The following SLC38A1 variants were observed in gnomAD, a reference collection of about 807,000 sequenced individuals.
SLC38A1 encodes the protein sodium-coupled neutral amino acid symporter 1.
SLC38A1 carries 18 observed loss-of-function variants against 60.3 expected under a neutral mutation model. The ratio of observed to expected loss-of-function variants is 0.30; its 90% CI spans 0.21 to 0.44. The LOEUF is 0.44. Among genes scored for constraint, SLC38A1 ranks in the 20% least tolerant of loss-of-function variants. The pLI is 1.00. For missense variants in SLC38A1, 448 were observed against 587.2 expected (o/e 0.76, Z 2.45); for synonymous variants, 196 against 212.1 (o/e 0.92, Z 0.66).
intron 16 of SLC38A1, chr12:46,196,353 A>G: frequency 6.6e-7 from 1 of 1,515,920 alleles, no homozygotes; most frequent in Non-Finnish European, 8.8e-7. Context: ...TCTAACTCCC[A>G]GTGGTCCTTA....
At chr12:46,243,568 T>C (rs56988021) in intron 1 of SLC38A1, among the ~76,000 whole-genome samples, 81,300 of 151,964 alleles carry the variant, frequency 0.53, 21,937 homozygotes, top group Admixed American at 0.61. Context: ...CAGATGGAGA[T>C]GGGGCCTGAG....
chr12:46,258,505 T>C (rs931164917), intron 1 of SLC38A1, among the ~76,000 whole-genome samples: 1 of 152,242 alleles, frequency 6.6e-6, no homozygotes, highest in African/African-American at 2.4e-5. Context: ...ATATTTTAAA[T>C]AATTTTGTGC....
chr12:46,249,381 C>T (rs1418048041), intron 1 of SLC38A1, among the ~76,000 whole-genome samples: 1 of 151,950 alleles, frequency 6.6e-6, no homozygotes, highest in Non-Finnish European at 1.5e-5. Flanking sequence ...CAAGAGAAAG[C>T]AGGAAAGAGC....
chr12:46,256,145 A>G (rs562712899), intron 1 of SLC38A1, among the ~76,000 whole-genome samples: 18 of 149,170 alleles, frequency 1.2e-4, no homozygotes, highest in Non-Finnish European at 1.9e-4. Context: ...CAGCCTGGGC[A>G]ACAGAGAGAG....
chr12:46,259,704 C>T (rs1047343441), intron 1 of SLC38A1, among the ~76,000 whole-genome samples: 3 of 152,128 alleles, frequency 2.0e-5, no homozygotes, highest in African/African-American at 7.2e-5. Flanking sequence ...TGGTTTTACT[C>T]TCTTCTTGCC....
intron 5 of SLC38A1, among the ~76,000 whole-genome samples, chr12:46,222,323 T>C (rs1438117073): frequency 1.3e-5 from 2 of 152,054 alleles, no homozygotes; most frequent in African/African-American, 4.8e-5. Flanking sequence ...CTCTAGACCC[T>C]TTCTCACTCT....
In SLC38A1 at chr12:46,202,978, G is replaced by A. The variant is rs765422323; in HGVS notation, c.902+32C>T. On this transcript the variant is annotated intron_variant, in intron 12 of 16. Coordinates refer to ENST00000398637, the MANE Select transcript of SLC38A1 (RefSeq NM_030674.4). Reference sequence around the variant, plus strand: ...GCCTATTAATGAGGGGATGTAAAACGATTAAGATAAAAAATTAAACAAATT... The same window carrying A: ...GCCTATTAATGAGGGGATGTAAAACAATTAAGATAAAAAATTAAACAAATT... 10 of 1,555,382 alleles carry A rather than the reference G, an allele frequency of 6.4e-6. No individual in the cohort carries two copies. In the East Asian group the frequency reaches 1.8e-4, roughly 28 times the overall value.
chr12:46,249,766 C>T (rs747968662), intron 1 of SLC38A1, among the ~76,000 whole-genome samples: 3 of 152,292 alleles, frequency 2.0e-5, no homozygotes, highest in African/African-American at 7.2e-5. Flanking sequence ...TGGGCACATA[C>T]ACCCTCTCAA....
At chr12:46,212,329 T>C (rs1940208673) in intron 5 of SLC38A1, among the ~76,000 whole-genome samples, 1 of 152,236 alleles carries the variant, frequency 6.6e-6, no homozygotes, top group Non-Finnish European at 1.5e-5. Context: ...CTTTTTAAAA[T>C]TTCATCTGGA....
intron 5 of SLC38A1, among the ~76,000 whole-genome samples, chr12:46,213,613 A>G (rs974980498): frequency 2.6e-5 from 4 of 152,160 alleles, no homozygotes; most frequent in African/African-American, 9.7e-5. Context: ...TTCATTGGCA[A>G]GTGCCCTATC....
At chr12:46,250,121 T>A (rs556023741) in intron 1 of SLC38A1, among the ~76,000 whole-genome samples, 2 of 152,222 alleles carry the variant, frequency 1.3e-5, no homozygotes, top group South Asian at 4.2e-4. Context: ...CAGGAGCACA[T>A]CAAAAGCCTT....
chr12:46,249,700 T>C (rs1350940100), intron 1 of SLC38A1, among the ~76,000 whole-genome samples: 1 of 152,152 alleles, frequency 6.6e-6, no homozygotes, highest in African/African-American at 2.4e-5. Flanking sequence ...CAGAGAATAC[T>C]ATAAACACCT....
intron 1 of SLC38A1, among the ~76,000 whole-genome samples, chr12:46,248,785 A>G (rs1941718738): frequency 6.6e-6 from 1 of 152,188 alleles, no homozygotes; most frequent in African/African-American, 2.4e-5. Context: ...AGCACTCCTC[A>G]GCAAATGTAA....
chr12:46,260,752 G>C (rs1473824207), intron 1 of SLC38A1, among the ~76,000 whole-genome samples: 2 of 152,116 alleles, frequency 1.3e-5, no homozygotes, highest in East Asian at 3.9e-4. Context: ...TATCTAATCA[G>C]TTGCCAAGTC....
Position 46,269,028 on chromosome 12 carries a change from A to T in SLC38A1, c.-711T>A. 1 of 314,516 alleles carries T rather than the reference A, an allele frequency of 3.2e-6. No individual in the cohort carries two copies. The highest frequency in any genetic ancestry group is 9.5e-5 in the East Asian group (1 of 10,552). 19.5% of individuals were successfully genotyped at this position (314,516 alleles called of 1,614,324 possible). On this transcript the variant is annotated 5_prime_UTR_variant, in exon 1 of 17. Coordinates refer to ENST00000398637, the MANE Select transcript of SLC38A1 (RefSeq NM_030674.4). ...CCTCCTGTGCGCCCGCTCTTTAACC[A>T]AAGCTGCGTGTCAGTGAGCCGTGCC...
intron 5 of SLC38A1, among the ~76,000 whole-genome samples, chr12:46,210,673 T>C (rs1157029662): frequency 6.6e-6 from 1 of 152,166 alleles, no homozygotes; most frequent in East Asian, 1.9e-4. Flanking sequence ...CTTGTGGTAG[T>C]GAATAAGTCT....
intron 3 of SLC38A1, among the ~76,000 whole-genome samples, chr12:46,236,808 A>T (rs1941276410): frequency 6.6e-6 from 1 of 152,196 alleles, no homozygotes. Context: ...ATTTGCTAGG[A>T]ATCAGAATTG....
At chr12:46,259,670 A>G (rs1942139542) in intron 1 of SLC38A1, among the ~76,000 whole-genome samples, 1 of 152,198 alleles carries the variant, frequency 6.6e-6, no homozygotes, top group African/African-American at 2.4e-5. Context: ...CTGGGAAGCT[A>G]GTAAGTGGTC....
At chr12:46,233,744 TA>T (rs1690897623) in intron 3 of SLC38A1, among the ~76,000 whole-genome samples, 1 of 152,340 alleles carries the variant, frequency 6.6e-6, no homozygotes, top group East Asian at 1.9e-4. Context: ...AATAGCACAT[TA>T]AAACACATTA....
Sources: allele counts gnomAD v4.1 joint callset (sites outside exome capture counted in the v4.1 genomes callset), GRCh38; gene constraint gnomAD v4.1.1; transcripts MANE v1.5; gene names NCBI Gene and HGNC (gene_info 2026-07-23, HGNC 2026-07-21).